The following ANKRD27 variants were observed in gnomAD, a reference collection of about 807,000 sequenced individuals.
The protein encoded by ANKRD27 is ankyrin repeat domain 27.
ANKRD27 carries 112 observed loss-of-function variants against 129.7 expected under a neutral mutation model. The ratio of observed to expected loss-of-function variants is 0.86; its 90% CI spans 0.74 to 1.01. The LOEUF (loss-of-function observed/expected upper bound fraction) is 1.01, where lower values mean the gene tolerates loss of function less well. Ranked by LOEUF, ANKRD27 falls within the 50% of genes least tolerant of loss-of-function variation. The probability of loss-of-function intolerance (pLI) is 0.00; values close to 1 mark genes in which losing one functional copy is unlikely to be tolerated. For missense variants in ANKRD27, 1,258 were observed against 1,300.5 expected (o/e 0.97, Z 0.50); for synonymous variants, 516 against 511.2 (o/e 1.01, Z -0.13).
chr19:32,669,829 T>G (rs1967831672), intron 1 of ANKRD27, among the ~76,000 whole-genome samples: 1 of 151,872 alleles, frequency 6.6e-6, no homozygotes, highest in African/African-American at 2.4e-5. Flanking sequence ...AAACCCCGTC[T>G]CTGCTAAAAA....
intron 1 of ANKRD27, among the ~76,000 whole-genome samples, chr19:32,661,019 G>C (rs1235306896): frequency 6.6e-6 from 1 of 151,192 alleles, no homozygotes; most frequent in Non-Finnish European, 1.5e-5. Context: ...GCAACATAGC[G>C]AGACCCCATC....
intron 1 of ANKRD27, chr19:32,673,428 G>A (rs1967911083): frequency 1.8e-5 from 18 of 985,192 alleles, no homozygotes; most frequent in East Asian, 1.1e-4. Context: ...TTCCAGCGCC[G>A]AGCTCTGCAG....
At chr19:32,617,513 C>T in intron 21 of ANKRD27, 76 bp downstream of exon 21, 1 of 676,658 alleles carries the variant, frequency 1.5e-6, no homozygotes. Flanking sequence ...CGCCACTGCA[C>T]TCCAGCCTGG....
At position 32,604,112 on chromosome 19, in the gene ANKRD27, C is replaced by T. The variant is rs941790389; in HGVS notation, c.2655+151G>A. The T allele has an allele frequency of 3.7e-5, 28 of 765,518 alleles. No individual in the cohort carries two copies. In the African/African-American group the frequency reaches 4.3e-4, roughly 12 times the overall value. The allele number at this position is 765,518 out of a possible 1,614,324, so 47.4% of individuals were successfully genotyped here. A position where few individuals can be genotyped will look rare whatever the true frequency, so the allele number is the denominator to read the frequency against. ...GGAGACTGAGGACCAGCCATCTACC[C>T]ACGCTGTGGACTTCTGGCACACCAA... On this transcript the variant is annotated intron_variant, in intron 25 of 28. Transcript: ENST00000306065.
intron 2 of ANKRD27, among the ~76,000 whole-genome samples, chr19:32,656,116 A>G (rs1418003173): frequency 1.2e-4 from 14 of 116,322 alleles, no homozygotes; most frequent in East Asian, 8.4e-4. Context: ...AGAAAAGAAA[A>G]GAAAAGAAAA....
At chr19:32,672,004 C>T (rs1967879809) in intron 1 of ANKRD27, among the ~76,000 whole-genome samples, 1 of 152,160 alleles carries the variant, frequency 6.6e-6, no homozygotes, top group South Asian at 2.1e-4. Flanking sequence ...TTCAACCGTC[C>T]TGCTAGCCCA....
At chr19:32,640,141 T>G (rs1967168201) in intron 11 of ANKRD27, among the ~76,000 whole-genome samples, 166 bp downstream of exon 11, 2 of 152,160 alleles carry the variant, frequency 1.3e-5, no homozygotes, top group African/African-American at 4.8e-5. Context: ...TTTTTGTATT[T>G]TTTAGTAGAG....
chr19:32,656,375 T>C (rs1967537470), intron 2 of ANKRD27, among the ~76,000 whole-genome samples: 1 of 152,242 alleles, frequency 6.6e-6, no homozygotes, highest in Non-Finnish European at 1.5e-5. Context: ...CCCTGATCCA[T>C]GCCCACCTTG....
At chr19:32,660,470 A>C (rs997126768) in intron 1 of ANKRD27, among the ~76,000 whole-genome samples, 2 of 152,208 alleles carry the variant, frequency 1.3e-5, no homozygotes, top group African/African-American at 2.4e-5. Flanking sequence ...GTGAGCAGAG[A>C]TCACGCCACC....
At chr19:32,668,609 A>G (rs1487267898) in intron 1 of ANKRD27, among the ~76,000 whole-genome samples, 1 of 150,908 alleles carries the variant, frequency 6.6e-6, no homozygotes, top group Admixed American at 6.6e-5. Context: ...AGTAGTTGGG[A>G]CTACAGGCAT....
chr19:32,674,641 C>A (rs1967945635), intron 1 of ANKRD27, among the ~76,000 whole-genome samples: 2 of 152,104 alleles, frequency 1.3e-5, no homozygotes, highest in Admixed American at 1.3e-4. Flanking sequence ...CCCCGGAAAC[C>A]ACAACCGCTG....
rs779435435 is a variant in ANKRD27, at chr19:32,607,873, T to G, written c.2176-41A>C. The G allele has an allele frequency of 1.9e-6, 3 of 1,559,482 alleles. No homozygotes were observed. The African/African-American group carries it at 4.1e-5, about 21-fold the overall frequency. On this transcript the variant is annotated intron_variant, in intron 22 of 28. Coordinates refer to ENST00000306065, the MANE Select transcript of ANKRD27 (RefSeq NM_032139.3). ...GATGGAAACACAAACGTCATCAGTA[T>G]TGAAGAAACTGGGCTGGAGTGATTG...
chr19:32,656,285 A>C (rs982865348), intron 2 of ANKRD27, among the ~76,000 whole-genome samples: 4 of 152,180 alleles, frequency 2.6e-5, no homozygotes, highest in African/African-American at 9.7e-5. Context: ...GAAAATATGC[A>C]CTTGTCTAGA....
Position 32,607,617 on chromosome 19 carries a change from C to T in ANKRD27, c.2373+18G>A. 6.8e-6 allele frequency: 11 copies of T among 1,609,282 alleles called. No homozygotes were observed. The highest frequency in any genetic ancestry group is 9.3e-6 in the Non-Finnish European group (11 of 1,178,842). Reference sequence around the variant, plus strand: ...AAGCAGACACCCTGCTCCACCACCCCCAACACACAGCCCGAACCTGAAAGT... The same window carrying T: ...AAGCAGACACCCTGCTCCACCACCCTCAACACACAGCCCGAACCTGAAAGT... On this transcript the variant is annotated intron_variant, in intron 23 of 28. Coordinates refer to ENST00000306065, the MANE Select transcript of ANKRD27 (RefSeq NM_032139.3).
chr19:32,613,099 T>C (rs1285520011), intron 22 of ANKRD27, among the ~76,000 whole-genome samples: 2 of 151,406 alleles, frequency 1.3e-5, no homozygotes, highest in African/African-American at 4.9e-5. Flanking sequence ...ACAAACCAAT[T>C]AGAAAATGGG....
chr19:32,640,351 T>G lies in ANKRD27; in HGVS notation c.939A>C (p.Leu313=), dbSNP rs779491058. The G allele has an allele frequency of 6.2e-7, 1 of 1,613,934 alleles. No homozygotes were observed. The change falls in exon 11 of 29, where the codon CTA becomes CTC. Residue 313 remains leucine (L), a synonymous_variant. Coordinates refer to ENST00000306065, the MANE Select transcript of ANKRD27 (RefSeq NM_032139.3). ...NLETMCADDL[L]SVLLYLLVKT... is the part of the protein sequence containing the mutation. ...TCACAAGCAAGTATAACAGGACTGA[T>G]AGCAGATCATCAGCACACATGGTCT...
intron 12 of ANKRD27, 115 bp from the exon 13 acceptor site, chr19:32,631,609 CCGTCT>C: frequency 1.2e-6 from 1 of 801,110 alleles, no homozygotes; most frequent in Non-Finnish European, 2.1e-6. Flanking sequence ...CGCCTCTCTC[CCGTCT>C]CATATGGGAC....
intron 18 of ANKRD27, among the ~76,000 whole-genome samples, chr19:32,621,330 A>C (rs1972006912): frequency 6.6e-6 from 1 of 152,156 alleles, no homozygotes; most frequent in African/African-American, 2.4e-5. Flanking sequence ...ACTTTTCTAA[A>C]ATCATATATT....
rs113330539 is a variant in ANKRD27, at chr19:32,640,165, G to A, written c.983+142C>T. Reference sequence around the variant, plus strand: ...TTTTTAGTAGAGACGGGGTTTCACCGTGTTAGCCAGGATGGTCTCGATCTC... The same window carrying A: ...TTTTTAGTAGAGACGGGGTTTCACCATGTTAGCCAGGATGGTCTCGATCTC... On this transcript the variant is annotated intron_variant, in intron 11 of 28. Transcript: ENST00000306065. The A allele has an allele frequency of 1.2e-4, 63 of 546,444 alleles. 1 individual carries two copies. Among genetic ancestry groups the A allele is most frequent in the African/African-American group, 8.6e-4 (44 of 51,452 alleles). 33.8% of individuals were successfully genotyped at this position (546,444 alleles called of 1,614,324 possible). A position where few individuals can be genotyped will look rare whatever the true frequency, so the allele number is the denominator to read the frequency against.
Sources: gnomAD v4.1 joint callset for allele counts (sites outside exome capture counted in the v4.1 genomes callset) on GRCh38, gnomAD v4.1.1 for gene constraint, MANE v1.5 for transcripts, NCBI Gene and HGNC (gene_info 2026-07-23, HGNC 2026-07-21) for gene names.